Variants in DYNC2H1 observed in about 807,000 individuals in gnomAD.
DYNC2H1 encodes the protein dynein cytoplasmic 2 heavy chain 1.
In DYNC2H1, 410 loss-of-function variants were observed where a neutral mutation model predicts 570.0. The observed-to-expected ratio is 0.72, with a 90% CI of 0.66 to 0.78. DYNC2H1 has a LOEUF of 0.78. Among genes scored for constraint, DYNC2H1 ranks in the 30% least tolerant of loss-of-function variants. The pLI is 0.00. For synonymous variants in DYNC2H1, 1,688 were observed against 1,677.6 expected (o/e 1.01, Z -0.15); for missense variants, 4,865 against 5,046.4 (o/e 0.96, Z 1.09).
At position 103,257,736 on chromosome 11, in the gene DYNC2H1, T is replaced by C. The variant is rs2135267706; in HGVS notation, c.10590T>C (p.Ala3530=). 3 of 1,596,380 alleles carry C rather than the reference T, an allele frequency of 1.9e-6. No individual in the cohort carries two copies. In the East Asian group the frequency reaches 6.8e-5, roughly 36 times the overall value. Reference sequence around the variant, plus strand: ...CTTTTCTCCGACTTTTCCAACGAGCTCTACAAAACAAACAGGTAAGCTGTT... The same window carrying C: ...CTTTTCTCCGACTTTTCCAACGAGCCCTACAAAACAAACAGGTAAGCTGTT... ...LAAFLRLFQR[A]LQNKQDSENT... Residue 3530 remains alanine (A), a synonymous_variant, in exon 69 of 89, where the codon GCT becomes GCC. Coordinates refer to ENST00000375735, the MANE Select transcript of DYNC2H1 (RefSeq NM_001377.3).
intron 87 of DYNC2H1, among the ~76,000 whole-genome samples, chr11:103,458,485 T>C (rs1591788305): frequency 6.6e-6 from 1 of 152,180 alleles, no homozygotes; most frequent in East Asian, 1.9e-4. Context: ...TCAAAAACAC[T>C]TTGTTCCCGA....
intron 66 of DYNC2H1, 96 bp downstream of exon 66, chr11:103,253,544 A>C: frequency 5.1e-6 from 6 of 1,181,946 alleles, no homozygotes; most frequent in Non-Finnish European, 7.1e-6. Context: ...TAGACTAATT[A>C]GTATTTACAT....
In DYNC2H1 at chr11:103,170,418, A is replaced by G; in HGVS notation, c.5151+128A>G. 3 of 1,004,578 alleles carry G rather than the reference A, an allele frequency of 3.0e-6. No individual in the cohort carries two copies. The highest frequency in any genetic ancestry group is 4.1e-6 in the Non-Finnish European group (3 of 726,754). The allele number at this position is 1,004,578 out of a possible 1,614,324, so 62.2% of individuals were successfully genotyped here. The stretch of plus-strand genomic sequence containing the variant: ...ATTAGTTGAAGACAGAATTTGTTTA[A>G]ATTGAAATGTAAAATGGACAGAGGT... On this transcript the variant is annotated intron_variant, in intron 33 of 88. Transcript: ENST00000375735. This position sits in a 1 kb window ranked among gnomAD's most constrained non-coding sequence, Gnocchi z 4.8.
Position 103,159,803 on chromosome 11 carries a change from C to T in DYNC2H1, c.4378+776C>T, listed in dbSNP as rs966094497. On this transcript the variant is annotated intron_variant, in intron 28 of 88. Coordinates refer to ENST00000375735, the MANE Select transcript of DYNC2H1 (RefSeq NM_001377.3). ...AATTTTCATCATTTTAACTAATAAT[C>T]AAGGATCAGCAAAATATAACCCATG... Among the ~76,000 whole-genome samples, 12 of 152,160 alleles carry T rather than the reference C, an allele frequency of 7.9e-5. No individual in the cohort carries two copies. The East Asian group carries it at 2.3e-3, about 29-fold the overall frequency.
intron 83 of DYNC2H1, among the ~76,000 whole-genome samples, chr11:103,391,752 T>C (rs991386412): frequency 2.0e-5 from 3 of 152,220 alleles, no homozygotes; most frequent in Non-Finnish European, 2.9e-5. Flanking sequence ...TAGAGTTTGC[T>C]GGAGGTCCGC....
intron 85 of DYNC2H1, among the ~76,000 whole-genome samples, chr11:103,442,137 A>G (rs1944292754): frequency 6.6e-6 from 1 of 152,066 alleles, no homozygotes; most frequent in South Asian, 2.1e-4. Flanking sequence ...ATATATATGA[A>G]TAAGTATATA....
At chr11:103,168,268 T>C (rs1459106752) in intron 31 of DYNC2H1, among the ~76,000 whole-genome samples, 1 of 152,152 alleles carries the variant, frequency 6.6e-6, no homozygotes, top group African/African-American at 2.4e-5. Flanking sequence ...TTTCTAGAGA[T>C]CTGTCTACAC....
At chr11:103,190,091 T>A (rs1197538664) in intron 45 of DYNC2H1, among the ~76,000 whole-genome samples, 1 of 152,326 alleles carries the variant, frequency 6.6e-6, no homozygotes, top group African/African-American at 2.4e-5. Flanking sequence ...TATTTAGAAT[T>A]GAGTTTATCT....
Position 103,324,132 on chromosome 11 carries a change from A to C in DYNC2H1, c.12039+142A>C. On this transcript the variant is annotated intron_variant, in intron 82 of 88. Coordinates refer to ENST00000375735, the MANE Select transcript of DYNC2H1 (RefSeq NM_001377.3). The surrounding 1 kb of genome is among the most constrained non-coding windows in gnomAD (Gnocchi z 5.2). ...CACAACACATTCCAGTTTTACTTTAAATATATTTTTTAAAATATTTGATTT... is the reference window on the plus strand; with the variant it reads ...CACAACACATTCCAGTTTTACTTTACATATATTTTTTAAAATATTTGATTT... 2 of 422,064 alleles carry C rather than the reference A, an allele frequency of 4.7e-6. No homozygotes were observed. The highest frequency in any genetic ancestry group is 7.9e-6 in the Non-Finnish European group (2 of 253,880). 26.1% of individuals were successfully genotyped at this position (422,064 alleles called of 1,614,324 possible).
At position 103,243,623 on chromosome 11, in the gene DYNC2H1, A is replaced by G; in HGVS notation, c.9820-70A>G. 1 of 1,164,870 alleles carries G rather than the reference A, an allele frequency of 8.6e-7. No homozygotes were observed. The highest frequency in any genetic ancestry group is 1.2e-6 in the Non-Finnish European group (1 of 825,460). 72.2% of individuals were successfully genotyped at this position (1,164,870 alleles called of 1,614,324 possible). A position where few individuals can be genotyped will look rare whatever the true frequency, so the allele number is the denominator to read the frequency against. On this transcript the variant is annotated intron_variant, in intron 63 of 88. Coordinates refer to ENST00000375735, the MANE Select transcript of DYNC2H1 (RefSeq NM_001377.3). The surrounding 1 kb of genome is among the most constrained non-coding windows in gnomAD (Gnocchi z 4.8). ...TTAGTAATTGATTTATAATTTCTAG[A>G]AAACTATTTCCATTTAAATGAAAGC...
intron 87 of DYNC2H1, among the ~76,000 whole-genome samples, chr11:103,463,054 C>G (rs1479426002): frequency 6.6e-6 from 1 of 152,138 alleles, no homozygotes; most frequent in African/African-American, 2.4e-5. Context: ...ATGGACCTAA[C>G]ACATATAGTA....
intron 83 of DYNC2H1, among the ~76,000 whole-genome samples, chr11:103,375,789 A>C (rs1346834772): frequency 6.6e-6 from 1 of 152,176 alleles, no homozygotes; most frequent in East Asian, 1.9e-4. Flanking sequence ...CATAGGTGGA[A>C]GGGACTTGCC....
Position 103,304,663 on chromosome 11 carries a change from C to G in DYNC2H1, c.11325C>G (p.Asp3775Glu). 6.8e-6 allele frequency: 11 copies of G among 1,613,378 alleles called. No homozygotes were observed. Among genetic ancestry groups the G allele is most frequent in the Non-Finnish European group, 9.3e-6 (11 of 1,179,554 alleles). Reference sequence around the variant, plus strand: ...TAAAAGAATGTGCCCGCAATGGAGACTGGCTCTGTTTGAAGAACTTACATC... The same window carrying G: ...TAAAAGAATGTGCCCGCAATGGAGAGTGGCTCTGTTTGAAGAACTTACATC... Reference protein sequence around the residue: ...QMLKECARNGDWLCLKNLHLV... With the variant: ...QMLKECARNGEWLCLKNLHLV... Residue 3775 changes from aspartate (D) to glutamate (E), a missense_variant, in exon 77 of 89, where the codon GAC (aspartate) becomes GAG (glutamate). Physicochemically the swap from Asp to Glu is conservative, Grantham distance 45. Around this residue, in one of 5 missense-constraint regions of DYNC2H1, gnomAD observed 2,401 missense variants for 2,454.6 expected, o/e 0.98. Coordinates refer to ENST00000375735, the MANE Select transcript of DYNC2H1 (RefSeq NM_001377.3).
rs574709653 is a variant in DYNC2H1 at position 103,378,563 on chromosome 11, A to G, written c.12156+20204A>G. On this transcript the variant is annotated intron_variant, in intron 83 of 88. Transcript: ENST00000375735. Reference sequence around the variant, plus strand: ...ATTTCAGGAGGTTAAAATCAAATATAGTTTAGAGATTGCTTATAATGCTTA... The same window carrying G: ...ATTTCAGGAGGTTAAAATCAAATATGGTTTAGAGATTGCTTATAATGCTTA... 1.9e-4 allele frequency among the ~76,000 whole-genome samples: 29 copies of G among 152,324 alleles called. No individual in the cohort carries two copies. The East Asian group carries it at 3.3e-3, about 17-fold the overall frequency.
At position 103,358,254 on chromosome 11, in the gene DYNC2H1, G is replaced by A. The variant is rs1244897069; in HGVS notation, c.12051G>A (p.Gln4017=). The A allele has an allele frequency of 2.5e-6, 4 of 1,572,430 alleles. No homozygotes were observed. Among genetic ancestry groups the A allele is most frequent in the Admixed American group, 3.6e-5 (2 of 55,134 alleles). The change falls in exon 83 of 89, where the codon CAG becomes CAA. Residue 4017 remains glutamine, a synonymous_variant. Transcript: ENST00000375735. The part of the protein sequence containing the change: ...QRMISSQVIS[Q]LRILGRSITA... ...ATTTTTTTATTCAGGTTATTTCACA[G>A]TTGAGGATTTTGGGCAGATCCATAA... is the stretch of plus-strand genomic sequence containing the variant.
At chr11:103,417,055 T>C (rs757505753) in intron 84 of DYNC2H1, among the ~76,000 whole-genome samples, 1 of 152,076 alleles carries the variant, frequency 6.6e-6, no homozygotes, top group Non-Finnish European at 1.5e-5. Flanking sequence ...ATTAAGGAAA[T>C]GCAAATCAAA....
intron 65 of DYNC2H1, among the ~76,000 whole-genome samples, chr11:103,251,852 T>G (rs945626921): frequency 2.0e-5 from 3 of 152,182 alleles, no homozygotes; most frequent in Non-Finnish European, 2.9e-5. Flanking sequence ...GGATCTACTT[T>G]TTTATGACCG....
rs750667581 is a variant in DYNC2H1, at chr11:103,326,553, C to G, written c.12039+2563C>G. ...GGCTCGGTACTCCTGAGCTGCAGAC[C>G]GCATTCCGGGGACACTGGAACAGCC... On this transcript the variant is annotated intron_variant, in intron 82 of 88. Transcript: ENST00000375735. The surrounding 1 kb of genome is among the most constrained non-coding windows in gnomAD (Gnocchi z 6.1). Among the ~76,000 whole-genome samples, 3 of 152,174 alleles carry G rather than the reference C, an allele frequency of 2.0e-5. No homozygotes were observed. The highest frequency in any genetic ancestry group is 2.9e-5 in the Non-Finnish European group (2 of 68,036).
At chr11:103,153,257 G>A (rs1591325088) in intron 21 of DYNC2H1, 46 bp from the exon 22 acceptor site, 6 of 1,453,880 alleles carry the variant, frequency 4.1e-6, no homozygotes, top group Non-Finnish European at 5.5e-6. Context: ...AACCCAAAAT[G>A]AAATTTTACT....
Sources: allele counts gnomAD v4.1 joint callset (sites outside exome capture counted in the v4.1 genomes callset), GRCh38; gene constraint gnomAD v4.1.1; regional missense constraint gnomAD v4.1.1; non-coding constraint Gnocchi (gnomAD v3.1); transcripts MANE v1.5; gene names NCBI Gene and HGNC (gene_info 2026-07-23, HGNC 2026-07-21).